STX2: variants seen among roughly 807,000 people sequenced by gnomAD.
The protein encoded by STX2 is syntaxin 2, also known as syntaxin-2.
In STX2, 27 loss-of-function variants were observed where a neutral mutation model predicts 40.6. That is an observed-to-expected ratio of 0.66 (90% CI 0.49 to 0.92). STX2 has a LOEUF of 0.92. Ranked by LOEUF, STX2 falls within the 40% of genes least tolerant of loss-of-function variation. STX2 has a pLI of 0.00. For synonymous variants in STX2, 123 were observed against 119.1 expected, an observed-to-expected ratio of 1.03 and a Z score of -0.22; for missense variants, 328 against 366.1, an observed-to-expected ratio of 0.90 and a Z score of 0.85.
At chr12:130,797,079 A>G (rs984184780) in intron 9 of STX2, among the ~76,000 whole-genome samples, 2 of 152,234 alleles carry the variant, frequency 1.3e-5, no homozygotes, top group Non-Finnish European at 2.9e-5. Context: ...TTTCTGAAAC[A>G]GGCATCACGT....
At chr12:130,793,819 C>G (rs1455624227) in intron 10 of STX2, among the ~76,000 whole-genome samples, 1 of 152,226 alleles carries the variant, frequency 6.6e-6, no homozygotes, top group East Asian at 1.9e-4. Flanking sequence ...GGATGAAAGG[C>G]TATGTTAATA....
intron 1 of STX2, among the ~76,000 whole-genome samples, chr12:130,830,657 T>G (rs1952525339): frequency 1.3e-5 from 2 of 152,210 alleles, no homozygotes; most frequent in Non-Finnish European, 2.9e-5. Context: ...ACAGACCCAA[T>G]AATACTGTCT....
chr12:130,800,760 G>A (rs1212672601), intron 8 of STX2, among the ~76,000 whole-genome samples: 1 of 152,168 alleles, frequency 6.6e-6, no homozygotes, highest in Non-Finnish European at 1.5e-5. Context: ...AGCCAAGCTC[G>A]TGCCATGTGT....
intron 1 of STX2, among the ~76,000 whole-genome samples, chr12:130,833,005 G>C (rs191982993): frequency 1.3e-5 from 2 of 152,112 alleles, no homozygotes; most frequent in East Asian, 1.9e-4. Flanking sequence ...CAAGGATTGC[G>C]AAAGACACTT....
chr12:130,838,705 G>A (rs1324789305), intron 1 of STX2, among the ~76,000 whole-genome samples: 1 of 152,168 alleles, frequency 6.6e-6, no homozygotes, highest in African/African-American at 2.4e-5. Context: ...CTGGGTAAGC[G>A]CCAGATACAA....
intron 1 of STX2, among the ~76,000 whole-genome samples, chr12:130,835,883 T>G (rs911279822): frequency 6.6e-6 from 1 of 151,248 alleles, no homozygotes; most frequent in Non-Finnish European, 1.5e-5. Flanking sequence ...TCAGTACAGA[T>G]TGTATTGAGC....
chr12:130,793,279 C>A (rs1231196959), intron 10 of STX2, among the ~76,000 whole-genome samples: 1 of 152,136 alleles, frequency 6.6e-6, no homozygotes, highest in Non-Finnish European at 1.5e-5. Context: ...TCCTGCAAAG[C>A]CCCAGCCACT....
chr12:130,807,383 A>C (rs577272538), intron 5 of STX2, among the ~76,000 whole-genome samples: 87 of 152,344 alleles, frequency 5.7e-4, no homozygotes, highest in Admixed American at 2.7e-3. Flanking sequence ...ACAGATCAGC[A>C]CTGGGACCCA....
chr12:130,824,900 C>T (rs556821900), intron 2 of STX2, among the ~76,000 whole-genome samples: 1 of 152,314 alleles, frequency 6.6e-6, no homozygotes, highest in Non-Finnish European at 1.5e-5. Context: ...GAGGCAAGCA[C>T]CGGGCAAGCC....
rs1403869464 is a variant in STX2 at position 130,791,977 on chromosome 12, T to G, written c.*46A>C. The G allele has an allele frequency of 1.9e-6, 3 of 1,592,466 alleles. No homozygotes were observed. Among genetic ancestry groups the G allele is most frequent in the Non-Finnish European group, 2.6e-6 (3 of 1,163,656 alleles). ...ACACAAATAATAATGAACATCAATTTCTGCAAGATAAAGAAAAACATTAAT... is the reference window on the plus strand; with the variant it reads ...ACACAAATAATAATGAACATCAATTGCTGCAAGATAAAGAAAAACATTAAT... On this transcript the variant is annotated splice_region_variant and 3_prime_UTR_variant, in exon 11 of 11. Transcript: ENST00000392373.
chr12:130,794,520 T>C (rs1410317958), intron 10 of STX2, among the ~76,000 whole-genome samples: 1 of 152,216 alleles, frequency 6.6e-6, no homozygotes. Context: ...TGTTTTGAGA[T>C]GGTCTCGCTC....
chr12:130,806,590 C>T (rs1031490957), intron 6 of STX2, among the ~76,000 whole-genome samples: 1 of 152,170 alleles, frequency 6.6e-6, no homozygotes, highest in East Asian at 1.9e-4. Context: ...CCATAGACAC[C>T]CCTGAAAAGA....
At chr12:130,821,810 T>C (rs1246422484) in intron 2 of STX2, 22 bp from the exon 3 acceptor site, 4 of 1,509,192 alleles carry the variant, frequency 2.7e-6, no homozygotes, top group Non-Finnish European at 3.7e-6. Context: ...AGAGAGTCAT[T>C]ACAGCATGGC....
intron 10 of STX2, 68 bp from the exon 11 acceptor site, chr12:130,792,045 A>G (rs1040147698): frequency 9.2e-7 from 1 of 1,081,188 alleles, no homozygotes; most frequent in African/African-American, 1.6e-5. Flanking sequence ...TTGCTAACTA[A>G]TCCTTCTGGG....
intron 7 of STX2, 22 bp from the exon 8 acceptor site, chr12:130,801,312 G>C: frequency 6.2e-7 from 1 of 1,603,534 alleles, no homozygotes; most frequent in Non-Finnish European, 8.5e-7. Flanking sequence ...AAAAATAAAA[G>C]ATAATATTAA....
chr12:130,817,717 CA>C (rs535001411), intron 3 of STX2, among the ~76,000 whole-genome samples: 61 of 136,078 alleles, frequency 4.5e-4, no homozygotes, highest in Non-Finnish European at 4.0e-4. Context: ...AATTAGCTGA[CA>C]AAAAAAAAAA....
At chr12:130,821,070 G>A (rs1163009002) in intron 3 of STX2, among the ~76,000 whole-genome samples, 4 of 152,142 alleles carry the variant, frequency 2.6e-5, no homozygotes, top group Non-Finnish European at 4.4e-5. Context: ...CAAATACCAC[G>A]GGGAAGCAAA....
At chr12:130,801,849 G>A (rs562491568) in intron 6 of STX2, among the ~76,000 whole-genome samples, 1 of 152,284 alleles carries the variant, frequency 6.6e-6, no homozygotes, top group South Asian at 2.1e-4. Flanking sequence ...TGTATTAAAT[G>A]AGGATCAATA....
chr12:130,810,698 T>C (rs1251900575), intron 4 of STX2: 2 of 152,242 alleles, frequency 1.3e-5, no homozygotes, highest in Admixed American at 1.3e-4. Context: ...CAGATGTGTT[T>C]AAATCCATGT....
Sources: gnomAD v4.1 joint callset for allele counts (sites outside exome capture counted in the v4.1 genomes callset) on GRCh38, gnomAD v4.1.1 for gene constraint, MANE v1.5 for transcripts, NCBI Gene and HGNC (gene_info 2026-07-23, HGNC 2026-07-21) for gene names.